Variants in FHIT observed in about 807,000 individuals in gnomAD.
FHIT encodes fragile histidine triad diadenosine triphosphatase.
Under a neutral mutation model 17.9 loss-of-function variants are expected in FHIT, and 19 were observed. The observed-to-expected ratio is 1.06, with a 90% CI of 0.74 to 1.56. The LOEUF is 1.56. Ranked by LOEUF, FHIT falls within the 40% of genes most tolerant of loss-of-function variation. The pLI is 0.00. For synonymous variants in FHIT, 81 were observed against 69.7 expected, an observed-to-expected ratio of 1.16 and a Z score of -0.81; for missense variants, 248 against 189.2, an observed-to-expected ratio of 1.31 and a Z score of -1.82.
chr3:60,001,058 C>T (rs1699711696), intron 7 of FHIT, among the ~76,000 whole-genome samples: 1 of 152,174 alleles, frequency 6.6e-6, no homozygotes, highest in Non-Finnish European at 1.5e-5. Flanking sequence ...TCTAAAGTAG[C>T]CATACCACCC....
At chr3:60,936,538 A>G (rs112149217) in intron 3 of FHIT, among the ~76,000 whole-genome samples, 187 of 152,358 alleles carry the variant, frequency 1.2e-3, no homozygotes, top group Admixed American at 2.3e-3. Flanking sequence ...ATTATGAGCC[A>G]TGTTATAGAA....
intron 8 of FHIT, among the ~76,000 whole-genome samples, chr3:59,795,862 A>G (rs529287522): frequency 1.3e-5 from 2 of 152,346 alleles, no homozygotes; most frequent in South Asian, 4.1e-4. Flanking sequence ...TTATTAGTTC[A>G]GACAGGCTTA....
intron 5 of FHIT, among the ~76,000 whole-genome samples, chr3:60,474,285 G>A (rs544168070): frequency 1.3e-5 from 2 of 152,102 alleles, no homozygotes; most frequent in Non-Finnish European, 2.9e-5. Flanking sequence ...AGGAACATGT[G>A]TTCATATTAC....
intron 8 of FHIT, among the ~76,000 whole-genome samples, chr3:59,862,347 C>T (rs1436656913): frequency 1.3e-5 from 2 of 152,288 alleles, no homozygotes; most frequent in East Asian, 3.9e-4. Flanking sequence ...ATGATTCCCA[C>T]CAGGTCCCTC....
At chr3:60,299,370 A>G (rs985634700) in intron 5 of FHIT, among the ~76,000 whole-genome samples, 1 of 152,134 alleles carries the variant, frequency 6.6e-6, no homozygotes, top group South Asian at 2.1e-4. Context: ...TTTTCCTACT[A>G]TTTTCATTTG....
At chr3:59,939,666 T>G (rs564842765) in intron 7 of FHIT, among the ~76,000 whole-genome samples, 1 of 152,214 alleles carries the variant, frequency 6.6e-6, no homozygotes, top group Non-Finnish European at 1.5e-5. Flanking sequence ...TGCTGAGCCC[T>G]GGCTACAGCC....
intron 5 of FHIT, among the ~76,000 whole-genome samples, chr3:60,298,444 CA>C (rs768548524): frequency 1.3e-5 from 2 of 152,232 alleles, no homozygotes; most frequent in Non-Finnish European, 2.9e-5. Flanking sequence ...CACCCGGAAC[CA>C]GGGGCAGAGG....
At position 60,383,637 on chromosome 3, in the gene FHIT, C is replaced by A. The variant is rs1444579535; in HGVS notation, c.103+153223G>T. Among the ~76,000 whole-genome samples, 4 of 150,932 alleles carry A rather than the reference C, an allele frequency of 2.7e-5. No individual in the cohort carries two copies. In the East Asian group the frequency reaches 7.7e-4, roughly 29 times the overall value. Reference sequence around the variant, plus strand: ...TATCATTTAAATGATTATTCCAGGACTTCTATGGACATGAGCTACTGAAAA... The same window carrying A: ...TATCATTTAAATGATTATTCCAGGAATTCTATGGACATGAGCTACTGAAAA... On this transcript the variant is annotated intron_variant, in intron 5 of 9. Transcript: ENST00000492590.
intron 5 of FHIT, among the ~76,000 whole-genome samples, chr3:60,258,100 A>ACACACACACACACACC (rs770378733): frequency 2.1e-5 from 3 of 145,070 alleles, no homozygotes; most frequent in Admixed American, 6.8e-5. Context: ...ACACACACAC[A>ACACACACACACACACC]CCTCTGCAGA....
Position 59,871,244 on chromosome 3 carries a change from A to G in FHIT, c.348+51102T>C, listed in dbSNP as rs539394371. Among the ~76,000 whole-genome samples the G allele has an allele frequency of 3.9e-5, 6 of 152,342 alleles. No individual in the cohort carries two copies. The South Asian group carries it at 8.3e-4, about 21-fold the overall frequency. On this transcript the variant is annotated intron_variant, in intron 8 of 9. Coordinates refer to ENST00000492590, the MANE Select transcript of FHIT (RefSeq NM_002012.4). ...TGAGGAAGTCACCTCTGCAGCCACC[A>G]GAATGACATTTCTGAAGCCAGTGAG...
At chr3:60,466,738 T>C (rs932221180) in intron 5 of FHIT, among the ~76,000 whole-genome samples, 11 of 151,952 alleles carry the variant, frequency 7.2e-5, no homozygotes, top group African/African-American at 2.4e-4. Flanking sequence ...TGATAAATGC[T>C]TTTTTTAATG....
chr3:61,160,709 A>C (rs1271952030), intron 2 of FHIT, among the ~76,000 whole-genome samples: 1 of 152,218 alleles, frequency 6.6e-6, no homozygotes. Flanking sequence ...GGGTTAACTC[A>C]GTGAGGATAG....
intron 5 of FHIT, among the ~76,000 whole-genome samples, chr3:60,491,144 C>A (rs1426715896): frequency 6.6e-6 from 1 of 152,058 alleles, no homozygotes; most frequent in African/African-American, 2.4e-5. Context: ...AAGCTCAGAT[C>A]TGAAAGGTAA....
At chr3:60,502,720 G>A (rs1204956822) in intron 5 of FHIT, among the ~76,000 whole-genome samples, 1 of 152,190 alleles carries the variant, frequency 6.6e-6, no homozygotes, top group African/African-American at 2.4e-5. Flanking sequence ...AAAACCGTCT[G>A]TAGTCATGAG....
chr3:60,339,381 T>G (rs766605642), intron 5 of FHIT, among the ~76,000 whole-genome samples: 7 of 152,164 alleles, frequency 4.6e-5, no homozygotes, highest in Non-Finnish European at 8.8e-5. Context: ...AAAGTAATAC[T>G]CTTATTTCTA....
intron 7 of FHIT, among the ~76,000 whole-genome samples, chr3:59,929,842 A>C (rs1705876794): frequency 6.7e-6 from 1 of 150,312 alleles, no homozygotes; most frequent in African/African-American, 2.4e-5. Context: ...ATGTAGAGTG[A>C]TACAAATATG....
At chr3:60,991,790 C>CTGT (rs35971675) in intron 3 of FHIT, among the ~76,000 whole-genome samples, 2 of 151,456 alleles carry the variant, frequency 1.3e-5, no homozygotes, top group Admixed American at 1.3e-4. Context: ...ATAATAATAG[C>CTGT]TGTTGTTGTT....
chr3:60,227,069 T>G (rs1704242375), intron 5 of FHIT, among the ~76,000 whole-genome samples: 1 of 152,032 alleles, frequency 6.6e-6, no homozygotes, highest in African/African-American at 2.4e-5. Context: ...TTCTCCCCAT[T>G]TGTATAATGG....
At chr3:60,805,229 T>G (rs539825934) in intron 4 of FHIT, among the ~76,000 whole-genome samples, 1 of 152,322 alleles carries the variant, frequency 6.6e-6, no homozygotes, top group East Asian at 1.9e-4. Context: ...CAAAGAAATA[T>G]GTCAATTACC....
Sources: allele counts gnomAD v4.1 joint callset (sites outside exome capture counted in the v4.1 genomes callset), GRCh38; gene constraint gnomAD v4.1.1; transcripts MANE v1.5; gene names NCBI Gene and HGNC (gene_info 2026-07-23, HGNC 2026-07-21).